SPMIP11: variants seen among roughly 807,000 people sequenced by gnomAD.
The protein encoded by SPMIP11 is sperm microtubule inner protein 11.
At chr12:48,761,652 G>A in the SPMIP11 span, among the ~76,000 whole-genome samples, 1 of 146,988 alleles carries the variant, frequency 6.8e-6, no homozygotes, top group Admixed American at 6.8e-5. Context: ...AAAGCATGAT[G>A]TAAGCTGATA....
chr12:48,746,435 C>T, the SPMIP11 span, among the ~76,000 whole-genome samples: 3 of 144,892 alleles, frequency 2.1e-5, no homozygotes, highest in East Asian at 2.1e-4. Flanking sequence ...GGCACAATCT[C>T]GGCTCACTGC....
At chr12:48,759,904 T>C in the SPMIP11 span, among the ~76,000 whole-genome samples, 424 of 152,228 alleles carry the variant, frequency 2.8e-3, 3 homozygotes, top group African/African-American at 9.6e-3. Flanking sequence ...CCTCCCAGGT[T>C]CAAGTGATTC....
At chr12:48,742,022 A>C in the SPMIP11 span, among the ~76,000 whole-genome samples, 3 of 152,122 alleles carry the variant, frequency 2.0e-5, no homozygotes, top group Non-Finnish European at 4.4e-5. Context: ...TTTCTGTGAT[A>C]ATTGCAAAAT....
At chr12:48,770,999 A>C in the SPMIP11 span, 2 of 1,606,582 alleles carry the variant, frequency 1.2e-6, no homozygotes, top group South Asian at 1.1e-5. Context: ...CCTGGCTGTC[A>C]AGGCAAAGAC....
chr12:48,756,967 G>A, the SPMIP11 span, among the ~76,000 whole-genome samples: 1 of 151,728 alleles, frequency 6.6e-6, no homozygotes, highest in African/African-American at 2.4e-5. Context: ...ATAGAGATGG[G>A]GTTTCACCAT....
chr12:48,732,265 G>A, the SPMIP11 span, among the ~76,000 whole-genome samples: 1 of 151,834 alleles, frequency 6.6e-6, no homozygotes, highest in South Asian at 2.1e-4. Context: ...TCTGGGACAA[G>A]AATTTAGTGA....
the SPMIP11 span, among the ~76,000 whole-genome samples, chr12:48,764,501 T>C: frequency 1.3e-5 from 2 of 152,146 alleles, no homozygotes; most frequent in Non-Finnish European, 2.9e-5. Flanking sequence ...ATGAGGATGA[T>C]TAAGCCAAGA....
At chr12:48,769,187 G>A in the SPMIP11 span, 9 of 1,061,644 alleles carry the variant, frequency 8.5e-6, no homozygotes, top group African/African-American at 1.5e-4. Flanking sequence ...TCTCCTGGTT[G>A]TAAAGAACAA....
At chr12:48,749,685 T>C in the SPMIP11 span, among the ~76,000 whole-genome samples, 1 of 144,558 alleles carries the variant, frequency 6.9e-6, no homozygotes, top group Non-Finnish European at 1.5e-5. Context: ...TGTCTCTGGT[T>C]CTTCTTCTTC....
the SPMIP11 span, chr12:48,764,765 G>A: frequency 1.5e-6 from 1 of 654,616 alleles, no homozygotes; most frequent in Non-Finnish European, 2.8e-6. Context: ...TGCTGGGCTG[G>A]GCTGGGCTAT....
the SPMIP11 span, among the ~76,000 whole-genome samples, chr12:48,747,380 G>A: frequency 6.6e-6 from 1 of 152,090 alleles, no homozygotes; most frequent in East Asian, 1.9e-4. Flanking sequence ...GCTAAGCCTA[G>A]GGCTTCATCT....
the SPMIP11 span, among the ~76,000 whole-genome samples, chr12:48,732,799 TACAGTAGACTCATC>T: frequency 6.7e-6 from 1 of 149,226 alleles, no homozygotes; most frequent in African/African-American, 2.5e-5. Context: ...TGAATGTAAT[TACAGTAGACTCATC>T]ACAGTCTAAT....
the SPMIP11 span, chr12:48,766,527 C>A: frequency 6.5e-6 from 1 of 152,688 alleles, no homozygotes; most frequent in Non-Finnish European, 1.5e-5. Context: ...TAGTCTCTTC[C>A]TATCCCTTCC....
the SPMIP11 span, among the ~76,000 whole-genome samples, chr12:48,737,568 C>A: frequency 0.22 from 32,856 of 151,574 alleles, 4,462 homozygotes; most frequent in Non-Finnish European, 0.32. Flanking sequence ...GCACCTGCAA[C>A]CATGTCTGGC....
At chr12:48,759,277 C>T in the SPMIP11 span, 1 of 702,928 alleles carries the variant, frequency 1.4e-6, no homozygotes, top group Non-Finnish European at 2.6e-6. Flanking sequence ...TTCCGTGCAC[C>T]AGAATAGCCA....
the SPMIP11 span, among the ~76,000 whole-genome samples, chr12:48,729,390 C>T: frequency 3.3e-5 from 5 of 151,968 alleles, no homozygotes; most frequent in Non-Finnish European, 5.9e-5. Flanking sequence ...AAAAAATAGC[C>T]GGGCGTGGTG....
the SPMIP11 span, among the ~76,000 whole-genome samples, chr12:48,754,912 C>A: frequency 2.6e-5 from 4 of 152,158 alleles, no homozygotes; most frequent in Admixed American, 2.0e-4. Flanking sequence ...ATACCTCAGC[C>A]TCCCAAAGTG....
chr12:48,765,075 T>A, the SPMIP11 span: 2 of 633,476 alleles, frequency 3.2e-6, no homozygotes, highest in Non-Finnish European at 5.7e-6. Context: ...GATTATTTCA[T>A]CTCCGGTCAG....
At chr12:48,761,777 A>G in the SPMIP11 span, among the ~76,000 whole-genome samples, 10 of 137,594 alleles carry the variant, frequency 7.3e-5, no homozygotes, top group Non-Finnish European at 1.4e-4. Flanking sequence ...CAGGCTGAGT[A>G]CAATGGTGCA....
Sources: allele counts gnomAD v4.1 joint callset (sites outside exome capture counted in the v4.1 genomes callset), GRCh38; gene constraint gnomAD v4.1.1; transcripts MANE v1.5; gene names NCBI Gene and HGNC (gene_info 2026-07-23, HGNC 2026-07-21).